The following RNFT2 variants were observed in gnomAD, a reference collection of about 807,000 sequenced individuals.
RNFT2 encodes the protein E3 ubiquitin-protein ligase RNFT2.
Under a neutral mutation model 53.0 loss-of-function variants are expected in RNFT2, and 36 were observed. That is an observed-to-expected ratio of 0.68 (90% confidence interval 0.52 to 0.90). The LOEUF (loss-of-function observed/expected upper bound fraction) is 0.90. Ranked by LOEUF, RNFT2 falls within the 40% of genes least tolerant of loss-of-function variation. RNFT2 has a pLI of 0.00. For synonymous variants in RNFT2, 260 were observed against 253.2 expected (o/e 1.03, Z -0.26); for missense variants, 514 against 585.6 (o/e 0.88, Z 1.26).
chr12:116,750,860 TA>T (rs1236158932), intron 4 of RNFT2, among the ~76,000 whole-genome samples: 7 of 2,078 alleles, frequency 3.4e-3, no homozygotes, highest in Middle Eastern at 0.25. Flanking sequence ...TAATATATAT[TA>T]TATATATATA....
chr12:116,766,678 A>G (rs900189689), intron 5 of RNFT2, 136 bp from the exon 6 acceptor site: 40 of 676,546 alleles, frequency 5.9e-5, no homozygotes, highest in African/African-American at 2.1e-4. Context: ...AAAGGTGCCA[A>G]TGCCCTTCCT....
At chr12:116,768,067 G>A (rs1034801505) in intron 6 of RNFT2, among the ~76,000 whole-genome samples, 1 of 151,084 alleles carries the variant, frequency 6.6e-6, no homozygotes, top group Non-Finnish European at 1.5e-5. Flanking sequence ...GGTGGGCACT[G>A]GAGATCAGAA....
rs1345342044 is a variant in RNFT2 at position 116,853,308 on chromosome 12, T to C, written c.*3860T>C. ...ACAGTATCCTGCCCTTATTATTTTA[T>C]GATTCACTGACTCAAGTTCCACGAA... On this transcript the variant is annotated 3_prime_UTR_variant, in exon 11 of 11. Transcript: ENST00000257575. 1.8e-5 allele frequency: 7 copies of C among 398,170 alleles called. No individual in the cohort carries two copies. The highest frequency in any genetic ancestry group is 3.1e-5 in the Non-Finnish European group (7 of 225,888). 24.7% of individuals were successfully genotyped at this position (398,170 alleles called of 1,614,324 possible).
chr12:116,790,586 T>C (rs1278706946), intron 7 of RNFT2, among the ~76,000 whole-genome samples: 2 of 152,220 alleles, frequency 1.3e-5, no homozygotes, highest in Non-Finnish European at 2.9e-5. Flanking sequence ...CATTTCCATC[T>C]GATGTCAGCC....
At chr12:116,822,981 T>C (rs1876127705) in intron 7 of RNFT2, among the ~76,000 whole-genome samples, 1 of 152,092 alleles carries the variant, frequency 6.6e-6, no homozygotes, top group African/African-American at 2.4e-5. Context: ...TGGGCGATAG[T>C]GCGAGACTCT....
chr12:116,777,368 GA>G (rs1276449024), intron 6 of RNFT2, among the ~76,000 whole-genome samples: 3 of 152,190 alleles, frequency 2.0e-5, no homozygotes, highest in African/African-American at 7.2e-5. Flanking sequence ...CCTCTTGGGG[GA>G]TGTTGGAGAG....
At chr12:116,784,148 G>A (rs1213545074) in intron 7 of RNFT2, among the ~76,000 whole-genome samples, 1 of 152,214 alleles carries the variant, frequency 6.6e-6, no homozygotes, top group Non-Finnish European at 1.5e-5. Flanking sequence ...AGTCAGAACA[G>A]AGATGCTGTC....
intron 7 of RNFT2, among the ~76,000 whole-genome samples, chr12:116,826,079 C>A (rs1004653560): frequency 6.6e-6 from 1 of 152,110 alleles, no homozygotes; most frequent in African/African-American, 2.4e-5. Context: ...TCCCCACCCC[C>A]ACAAGTCTTC....
chr12:116,852,500 G>T lies in RNFT2; in HGVS notation c.*3052G>T. On this transcript the variant is annotated 3_prime_UTR_variant, in exon 11 of 11. Coordinates refer to ENST00000257575, the MANE Select transcript of RNFT2 (RefSeq NM_001382266.1). ...TGGCCATGATGTTACAATCCCACTT[G>T]CCTGAATAATCAAGTGGGAAGGGGA... 1.3e-6 allele frequency: 2 copies of T among 1,512,380 alleles called. No individual in the cohort carries two copies. Among genetic ancestry groups the T allele is most frequent in the Admixed American group, 4.3e-5 (2 of 46,354 alleles). The allele number at this position is 1,512,380 out of a possible 1,614,324, so 93.7% of individuals were successfully genotyped here. A position where few individuals can be genotyped will look rare whatever the true frequency, so the allele number is the denominator to read the frequency against.
chr12:116,753,031 G>A (rs1027470948), intron 4 of RNFT2, among the ~76,000 whole-genome samples: 24 of 151,706 alleles, frequency 1.6e-4, no homozygotes, highest in East Asian at 1.9e-4. Flanking sequence ...ATTCAATTCC[G>A]TTCTGCCATC....
intron 4 of RNFT2, among the ~76,000 whole-genome samples, chr12:116,750,902 A>AT (rs1239641237): frequency 0.027 from 431 of 16,082 alleles, 8 homozygotes; most frequent in Non-Finnish European, 0.053. Flanking sequence ...ATATATATAT[A>AT]TATATATTTT....
intron 6 of RNFT2, among the ~76,000 whole-genome samples, chr12:116,768,183 C>T (rs575172748): frequency 6.6e-6 from 1 of 151,414 alleles, no homozygotes; most frequent in Non-Finnish European, 1.5e-5. Context: ...TCACTGCAAC[C>T]TATGCCTCCC....
chr12:116,775,223 G>GCA (rs1873375238), intron 6 of RNFT2, among the ~76,000 whole-genome samples: 1 of 142,356 alleles, frequency 7.0e-6, no homozygotes, highest in Non-Finnish European at 1.5e-5. Flanking sequence ...TTGCGCCATT[G>GCA]CACTCCAGCC....
intron 5 of RNFT2, among the ~76,000 whole-genome samples, chr12:116,762,548 G>C (rs1490686551): frequency 4.0e-5 from 6 of 151,854 alleles, no homozygotes; most frequent in South Asian, 2.1e-4. Context: ...ACCAGTCTGG[G>C]CAACATAGCA....
chr12:116,817,954 ACG>A (rs770521628), intron 7 of RNFT2, among the ~76,000 whole-genome samples: 3 of 152,172 alleles, frequency 2.0e-5, no homozygotes, highest in Non-Finnish European at 2.9e-5. Context: ...CTATATCAAC[ACG>A]CAAATATAGA....
At chr12:116,747,393 G>C (rs1286340539) in intron 3 of RNFT2, among the ~76,000 whole-genome samples, 1 of 152,090 alleles carries the variant, frequency 6.6e-6, no homozygotes, top group Non-Finnish European at 1.5e-5. Flanking sequence ...GGAGCCAATT[G>C]CAGTGGCACA....
intron 7 of RNFT2, among the ~76,000 whole-genome samples, chr12:116,815,994 C>T (rs1402682612): frequency 1.3e-5 from 2 of 152,180 alleles, no homozygotes; most frequent in African/African-American, 2.4e-5. Context: ...CCCTCCACTC[C>T]CTAGTGTTTT....
At chr12:116,827,034 A>G (rs1279403764) in intron 7 of RNFT2, among the ~76,000 whole-genome samples, 2 of 152,114 alleles carry the variant, frequency 1.3e-5, no homozygotes, top group Non-Finnish European at 2.9e-5. Context: ...AGCCTGGGCA[A>G]CATGGTGAAA....
chr12:116,750,007 G>A lies in RNFT2; in HGVS notation c.250G>A (p.Gly84Ser), dbSNP rs1331523345. Residue 84 changes from glycine (G) to serine (S), a missense_variant, in exon 4 of 11, where the codon GGC (glycine) becomes AGC (serine). Around this residue, in one of 3 missense-constraint regions of RNFT2, gnomAD observed 237 missense variants for 235.1 expected, o/e 1.01. Coordinates refer to ENST00000257575, the MANE Select transcript of RNFT2 (RefSeq NM_001382266.1). ...CCTGGTGCTGGGCTCCTCGGCTGGC[G>A]GCGGGGACGTGTTCATCCAGATGCC... ...SSLVLGSSAGGGDVFIQMPAS... is the reference protein window; with the variant it reads ...SSLVLGSSAGSGDVFIQMPAS... 1.3e-6 allele frequency: 2 copies of A among 1,555,322 alleles called. No homozygotes were observed. Among genetic ancestry groups the A allele is most frequent in the Admixed American group, 1.9e-5 (1 of 51,426 alleles).
Sources: gnomAD v4.1 joint callset for allele counts (sites outside exome capture counted in the v4.1 genomes callset) on GRCh38, gnomAD v4.1.1 for gene constraint, gnomAD v4.1.1 regional missense constraint, MANE v1.5 for transcripts, NCBI Gene and HGNC (gene_info 2026-07-23, HGNC 2026-07-21) for gene names.